Variants in TNIK observed in about 807,000 individuals in gnomAD.
The protein encoded by TNIK is TRAF2 and NCK-interacting protein kinase.
TNIK carries 49 observed loss-of-function variants against 191.3 expected under a neutral mutation model. That is an observed-to-expected ratio of 0.26 (90% CI 0.20 to 0.32). The LOEUF (loss-of-function observed/expected upper bound fraction) is 0.32. TNIK is among the 10% of genes least tolerant of loss of function. The probability of loss-of-function intolerance (pLI) is 1.00; values close to 1 mark genes in which losing one functional copy is unlikely to be tolerated. For missense variants in TNIK, 1,155 were observed against 1,702.3 expected, an observed-to-expected ratio of 0.68 and a Z score of 5.66; for synonymous variants, 594 against 600.9, an observed-to-expected ratio of 0.99 and a Z score of 0.17.
At chr3:171,150,762 G>A (rs995472016) in intron 12 of TNIK, among the ~76,000 whole-genome samples, 1 of 152,166 alleles carries the variant, frequency 6.6e-6, no homozygotes, top group African/African-American at 2.4e-5. Flanking sequence ...GACAAGGCCA[G>A]GACTGCAGGC....
intron 2 of TNIK, among the ~76,000 whole-genome samples, chr3:171,281,050 T>C (rs1750365790): frequency 1.3e-5 from 2 of 152,190 alleles, no homozygotes; most frequent in African/African-American, 4.8e-5. Flanking sequence ...ATCATGTCTT[T>C]ATGGAATGGC....
chr3:171,393,275 C>T (rs1026210745), intron 1 of TNIK, among the ~76,000 whole-genome samples: 1 of 152,160 alleles, frequency 6.6e-6, no homozygotes, highest in African/African-American at 2.4e-5. Context: ...CAGTGCAGAC[C>T]CAGCTGCCCT....
intron 21 of TNIK, 150 bp from the exon 22 acceptor site, chr3:171,101,783 AATG>A: frequency 1.4e-6 from 1 of 727,842 alleles, no homozygotes; most frequent in Non-Finnish European, 2.2e-6. Context: ...GAACTAAGAA[AATG>A]ATGTTTGTAG....
At chr3:171,198,702 C>T (rs1739028544) in intron 4 of TNIK, among the ~76,000 whole-genome samples, 1 of 152,100 alleles carries the variant, frequency 6.6e-6, no homozygotes, top group African/African-American at 2.4e-5. Context: ...TTATACTGTT[C>T]TGCCTATTTT....
At position 171,060,498 on chromosome 3, in the gene TNIK, A is replaced by G. The variant is rs1156758305; in HGVS notation, c.*3383T>C. The stretch of plus-strand genomic sequence containing the variant: ...GAGCCCCTGTCCAGGTGACCTTGTG[A>G]GATTTCACCCATAACTTAATATACC... On this transcript the variant is annotated 3_prime_UTR_variant, in exon 33 of 33. Transcript: ENST00000436636. 6.6e-6 allele frequency among the ~76,000 whole-genome samples: 1 copy of G among 152,214 alleles called. No homozygotes were observed. The highest frequency in any genetic ancestry group is 1.5e-5 in the Non-Finnish European group (1 of 68,034).
chr3:171,301,657 A>G (rs1473142507), intron 2 of TNIK, among the ~76,000 whole-genome samples: 1 of 152,208 alleles, frequency 6.6e-6, no homozygotes, highest in Non-Finnish European at 1.5e-5. Flanking sequence ...ATTAGATAAG[A>G]CATAAATGTA....
intron 28 of TNIK, among the ~76,000 whole-genome samples, chr3:171,079,225 C>T (rs572080002): frequency 6.6e-6 from 1 of 152,338 alleles, no homozygotes; most frequent in East Asian, 1.9e-4. Flanking sequence ...CTTGGTCCCA[C>T]TGTCCTCATA....
intron 2 of TNIK, among the ~76,000 whole-genome samples, chr3:171,316,578 T>A (rs1754620639): frequency 6.6e-6 from 1 of 152,094 alleles, no homozygotes; most frequent in Non-Finnish European, 1.5e-5. Context: ...AAAGAGTATC[T>A]AAAGGGATTT....
At chr3:171,072,976 G>A (rs1417380127) in intron 28 of TNIK, among the ~76,000 whole-genome samples, 1 of 152,084 alleles carries the variant, frequency 6.6e-6, no homozygotes, top group Non-Finnish European at 1.5e-5. Flanking sequence ...AATCAATATT[G>A]TTAAAGTGAC....
intron 21 of TNIK, among the ~76,000 whole-genome samples, chr3:171,105,236 G>A (rs1050354568): frequency 6.6e-6 from 1 of 152,202 alleles, no homozygotes; most frequent in Non-Finnish European, 1.5e-5. Flanking sequence ...GGAGAAAGGT[G>A]TAGTTCAAAG....
At chr3:171,170,261 CAG>C (rs1250644320) in intron 9 of TNIK, among the ~76,000 whole-genome samples, 1 of 152,188 alleles carries the variant, frequency 6.6e-6, no homozygotes, top group Non-Finnish European at 1.5e-5. Context: ...GTTCTACTAT[CAG>C]AGTCACTAAA....
chr3:171,356,791 A>C (rs568068419), intron 2 of TNIK, among the ~76,000 whole-genome samples: 1 of 152,324 alleles, frequency 6.6e-6, no homozygotes, highest in South Asian at 2.1e-4. Flanking sequence ...CTTTAAGACA[A>C]GGTTAATCAT....
At chr3:171,151,956 C>T (rs1732491219) in intron 12 of TNIK, among the ~76,000 whole-genome samples, 1 of 152,128 alleles carries the variant, frequency 6.6e-6, no homozygotes, top group African/African-American at 2.4e-5. Context: ...AGCTGAGCTG[C>T]TTTGAGACTG....
At chr3:171,387,098 T>C (rs1718829148) in intron 1 of TNIK, among the ~76,000 whole-genome samples, 1 of 152,180 alleles carries the variant, frequency 6.6e-6, no homozygotes, top group Admixed American at 6.5e-5. Flanking sequence ...CACTTTTCAG[T>C]ACATATTTTA....
chr3:171,446,628 A>G (rs1025925038), intron 1 of TNIK, among the ~76,000 whole-genome samples: 2 of 150,946 alleles, frequency 1.3e-5, no homozygotes, highest in Non-Finnish European at 2.9e-5. Flanking sequence ...TTCCTGTTCT[A>G]TCTTCTATTT....
rs78038386 is a variant in TNIK at position 171,421,415 on chromosome 3, C to T, written c.57+38592G>A. On this transcript the variant is annotated intron_variant, in intron 1 of 32. Coordinates refer to ENST00000436636, the MANE Select transcript of TNIK (RefSeq NM_015028.4). ...CTACCAGCTTATCCTCTAGAATTCA[C>T]GCCCCTCTTTCCATAGCCCCTTCAT... 8.4e-3 allele frequency among the ~76,000 whole-genome samples: 1,280 copies of T among 152,268 alleles called. 13 individuals are homozygous for T. Among genetic ancestry groups the T allele is most frequent in the African/African-American group, 0.028 (1,161 of 41,550 alleles).
intron 28 of TNIK, among the ~76,000 whole-genome samples, chr3:171,074,490 T>C: frequency 6.6e-6 from 1 of 151,950 alleles, no homozygotes. Context: ...CCTGCATATG[T>C]ACCCCCTGGA....
At chr3:171,239,383 A>C (rs1293950432) in intron 2 of TNIK, among the ~76,000 whole-genome samples, 1 of 152,254 alleles carries the variant, frequency 6.6e-6, no homozygotes, top group Non-Finnish European at 1.5e-5. Context: ...TCCAAGAAAT[A>C]AGGAAAGCAA....
chr3:171,118,083 C>A (rs1170903632), intron 18 of TNIK, among the ~76,000 whole-genome samples: 1 of 152,148 alleles, frequency 6.6e-6, no homozygotes, highest in African/African-American at 2.4e-5. Flanking sequence ...TGATAAGCAA[C>A]TTCAGCAAAG....
Sources: allele counts gnomAD v4.1 joint callset (sites outside exome capture counted in the v4.1 genomes callset), GRCh38; gene constraint gnomAD v4.1.1; transcripts MANE v1.5; gene names NCBI Gene and HGNC (gene_info 2026-07-23, HGNC 2026-07-21).